The following ZNF131 variants were observed in gnomAD, a reference collection of about 807,000 sequenced individuals.
The protein encoded by ZNF131 is zinc finger protein 131.
Under a neutral mutation model 60.0 loss-of-function variants are expected in ZNF131, and 7 were observed. The ratio of observed to expected loss-of-function variants is 0.12; its 90% CI spans 0.07 to 0.22. The LOEUF is 0.22. ZNF131 is among the 10% of genes least tolerant of loss of function. The probability of loss-of-function intolerance (pLI) is 1.00; values close to 1 mark genes in which losing one functional copy is unlikely to be tolerated. For synonymous variants in ZNF131, 257 were observed against 253.2 expected (o/e 1.01, Z -0.14); for missense variants, 493 against 740.9 (o/e 0.67, Z 3.88).
Position 43,174,696 on chromosome 5 carries a change from C to A in ZNF131, c.1435C>A (p.His479Asn), listed in dbSNP as rs1751384537. 6.2e-7 allele frequency: 1 copy of A among 1,614,096 alleles called. No homozygotes were observed. The highest frequency in any genetic ancestry group is 1.1e-5 in the South Asian group (1 of 91,090). Residue 479 changes from histidine (H) to asparagine (N), a missense_variant, in exon 7 of 7, where the codon CAT becomes AAT. His to Asn is a moderately conservative substitution (Grantham distance 68). This residue lies in a region of ZNF131 where 202 missense variants were observed against 221.3 expected (regional missense o/e 0.91). Transcript: ENST00000682664. ...MTIIEQVGKV[H>N]VLPLLQVQVD... ...TATTATAGAACAAGTTGGGAAGGTG[C>A]ATGTGCTACCATTGCTTCAGGTTCA...
At chr5:43,145,202 T>G (rs571837381) in intron 4 of ZNF131, among the ~76,000 whole-genome samples, 1 of 152,300 alleles carries the variant, frequency 6.6e-6, no homozygotes, top group East Asian at 1.9e-4. Context: ...CTTTCCTTGC[T>G]GTTCAGTTGT....
chr5:43,129,877 C>T (rs935504512), intron 3 of ZNF131, among the ~76,000 whole-genome samples: 1 of 151,920 alleles, frequency 6.6e-6, no homozygotes, highest in African/African-American at 2.4e-5. Flanking sequence ...AAGCTGGCCT[C>T]AAACTCCTGA....
In ZNF131 at chr5:43,175,306, G is replaced by A; in HGVS notation, c.*173G>A. 2 of 716,488 alleles carry A rather than the reference G, an allele frequency of 2.8e-6. No homozygotes were observed. 44.4% of individuals were successfully genotyped at this position (716,488 alleles called of 1,614,324 possible). A position where few individuals can be genotyped will look rare whatever the true frequency, so the allele number is the denominator to read the frequency against. On this transcript the variant is annotated 3_prime_UTR_variant, in exon 7 of 7. Coordinates refer to ENST00000682664, the MANE Select transcript of ZNF131 (RefSeq NM_001330707.2). The stretch of plus-strand genomic sequence containing the variant: ...ATTGATTCCCCTCCCCCTACTTATT[G>A]CCACAGAGGAGGGATCTTTTCCATA...
chr5:43,122,326 G>T, intron 2 of ZNF131, 149 bp downstream of exon 2: 1 of 990,520 alleles, frequency 1.0e-6, no homozygotes, highest in East Asian at 2.6e-5. Flanking sequence ...ACTGGGACCA[G>T]ATTGCACTTG....
intron 4 of ZNF131, among the ~76,000 whole-genome samples, chr5:43,143,936 T>TTTTTTTTTTC (rs1561411672): frequency 9.1e-6 from 1 of 109,412 alleles, no homozygotes; most frequent in African/African-American, 3.6e-5. Context: ...TTTTTTTTTT[T>TTTTTTTTTTC]CCTTGAGACG....
At position 43,122,032 on chromosome 5, in the gene ZNF131, T is replaced by C. The variant is rs756484469; in HGVS notation, c.-15-7T>C. The C allele has an allele frequency of 5.1e-5, 83 of 1,613,274 alleles. No homozygotes were observed. The Admixed American group carries it at 1.4e-3, about 27-fold the overall frequency. ...TGGGTGTACATTATCATGCTCTTCT[T>C]TTGTAGAGCAGCCCGACGGCCATGG... On this transcript the variant is annotated splice_polypyrimidine_tract_variant and splice_region_variant and intron_variant, in intron 1 of 6. Transcript: ENST00000682664.
In ZNF131 at chr5:43,174,980, C is replaced by T. The variant is rs1419039253; in HGVS notation, c.1719C>T (p.Asn573=). 11 of 1,613,898 alleles carry T rather than the reference C, an allele frequency of 6.8e-6. No homozygotes were observed. The highest frequency in any genetic ancestry group is 8.5e-6 in the Non-Finnish European group (10 of 1,180,014). Residue 573 remains asparagine, a synonymous_variant, in exon 7 of 7, where the codon AAC becomes AAT. Coordinates refer to ENST00000682664, the MANE Select transcript of ZNF131 (RefSeq NM_001330707.2). The stretch of plus-strand genomic sequence containing the variant: ...ACCACGTGACCCCAGAAATCATGAA[C>T]CAAGAGGAGAGAGAGTCTAGCCAAG... ...DLDHVTPEIM[N]QEERESSQAD... is the part of the protein sequence containing the mutation.
At chr5:43,146,111 A>G (rs963354881) in intron 4 of ZNF131, among the ~76,000 whole-genome samples, 2 of 152,222 alleles carry the variant, frequency 1.3e-5, no homozygotes, top group African/African-American at 2.4e-5. Context: ...AATAAAAATT[A>G]ATTTAGCTGG....
At chr5:43,125,132 T>C (rs367691836) in intron 3 of ZNF131, 3 of 152,078 alleles carry the variant, frequency 2.0e-5, no homozygotes, top group East Asian at 1.9e-4. Context: ...AGATGTCCCT[T>C]AAAGAAGTCG....
chr5:43,137,408 TAAATTA>T (rs1199752509), intron 3 of ZNF131, among the ~76,000 whole-genome samples: 1 of 151,290 alleles, frequency 6.6e-6, no homozygotes, highest in African/African-American at 2.4e-5. Flanking sequence ...AGAAAAAAAT[TAAATTA>T]AAAATGTTTT....
At chr5:43,147,823 G>T (rs952204743) in intron 4 of ZNF131, among the ~76,000 whole-genome samples, 1 of 151,826 alleles carries the variant, frequency 6.6e-6, no homozygotes, top group African/African-American at 2.4e-5. Context: ...GGGATGCCGA[G>T]GCAGGTGGAT....
In ZNF131 at chr5:43,142,907, A is replaced by G. The variant is rs189801772; in HGVS notation, c.371+3598A>G. 8.6e-5 allele frequency among the ~76,000 whole-genome samples: 13 copies of G among 151,968 alleles called. No homozygotes were observed. In the East Asian group the frequency reaches 2.3e-3, roughly 27 times the overall value. ...AGGATTTCACCATGTTGCCCAGGCT[A>G]CTAGTCTCGAACTCCTGGGCTCAAG... On this transcript the variant is annotated intron_variant, in intron 4 of 6. Transcript: ENST00000682664.
intron 4 of ZNF131, among the ~76,000 whole-genome samples, chr5:43,154,385 G>T (rs1748700135): frequency 6.6e-6 from 1 of 151,874 alleles, no homozygotes; most frequent in African/African-American, 2.4e-5. Context: ...CTGCACTCCA[G>T]CCTGGGCTCC....
At chr5:43,146,014 C>T (rs1747533062) in intron 4 of ZNF131, among the ~76,000 whole-genome samples, 1 of 152,118 alleles carries the variant, frequency 6.6e-6, no homozygotes, top group Non-Finnish European at 1.5e-5. Flanking sequence ...AAATATTTGT[C>T]ATCAAAGGAG....
At chr5:43,155,680 C>T (rs1019218993) in intron 4 of ZNF131, among the ~76,000 whole-genome samples, 6 of 152,188 alleles carry the variant, frequency 3.9e-5, no homozygotes, top group Non-Finnish European at 7.3e-5. Context: ...CTAAGTAAGG[C>T]ACATACTGTC....
chr5:43,123,345 T>C, intron 3 of ZNF131, 35 bp downstream of exon 3: 3 of 1,535,092 alleles, frequency 2.0e-6, no homozygotes, highest in Non-Finnish European at 2.7e-6. Context: ...ATTTAATAAA[T>C]CAAAGAAGCC....
rs1324266660 is a variant in ZNF131, at chr5:43,139,176, A to G, written c.238A>G (p.Met80Val). The change falls in exon 4 of 7, where the codon ATG becomes GTG. Residue 80 changes from methionine (M) to valine (V), a missense_variant. Met to Val is a conservative substitution (Grantham distance 21, BLOSUM62 1). This residue lies in a region of ZNF131 where 66 missense variants were observed against 148.0 expected (regional missense o/e 0.45). Coordinates refer to ENST00000682664, the MANE Select transcript of ZNF131 (RefSeq NM_001330707.2). ...PLVEIEGVSKMAFRHLIEFTY... is the reference protein window; with the variant it reads ...PLVEIEGVSKVAFRHLIEFTY... ...CATCTTCTTTACAGGTGTTAGTAAA[A>G]TGGCCTTTCGCCATTTAATTGAGTT... is the stretch of plus-strand genomic sequence containing the variant. The G allele has an allele frequency of 6.3e-7, 1 of 1,597,944 alleles. No individual in the cohort carries two copies. The highest frequency in any genetic ancestry group is 8.5e-7 in the Non-Finnish European group (1 of 1,173,202).
chr5:43,136,646 T>G (rs923893024), intron 3 of ZNF131, among the ~76,000 whole-genome samples: 9 of 127,968 alleles, frequency 7.0e-5, no homozygotes, highest in Middle Eastern at 4.2e-3. Context: ...TCTTTTTTCT[T>G]TTTCTTTTTT....
chr5:43,152,077 C>T (rs1405656342), intron 4 of ZNF131, among the ~76,000 whole-genome samples: 1 of 152,088 alleles, frequency 6.6e-6, no homozygotes, highest in Non-Finnish European at 1.5e-5. Flanking sequence ...ATGATCTTGG[C>T]TCACTGCCTC....
Sources: gnomAD v4.1 joint callset for allele counts (sites outside exome capture counted in the v4.1 genomes callset) on GRCh38, gnomAD v4.1.1 for gene constraint, gnomAD v4.1.1 regional missense constraint, MANE v1.5 for transcripts, NCBI Gene and HGNC (gene_info 2026-07-23, HGNC 2026-07-21) for gene names.